Variants in NRG3 observed in about 807,000 individuals in gnomAD.
The protein encoded by NRG3 is pro-neuregulin-3, membrane-bound isoform.
A neutral mutation model predicts 66.9 loss-of-function variants in NRG3; 31 were observed. The ratio of observed to expected loss-of-function variants is 0.46; its 90% confidence interval spans 0.35 to 0.63. The LOEUF is 0.63. Among genes scored for constraint, NRG3 ranks in the 20% least tolerant of loss-of-function variants. The pLI is 0.00. For missense variants in NRG3, 910 were observed against 878.9 expected, an observed-to-expected ratio of 1.04 and a Z score of -0.45; for synonymous variants, 393 against 359.4, an observed-to-expected ratio of 1.09 and a Z score of -1.06.
At chr10:82,096,388 A>T (rs2066344779) in intron 1 of NRG3, among the ~76,000 whole-genome samples, 1 of 152,038 alleles carries the variant, frequency 6.6e-6, no homozygotes, top group Admixed American at 6.6e-5. Context: ...AGGCAGGAGG[A>T]TCGCTTGAAC....
chr10:82,944,333 A>G (rs1432439282), intron 4 of NRG3, among the ~76,000 whole-genome samples: 1 of 152,194 alleles, frequency 6.6e-6, no homozygotes, highest in Non-Finnish European at 1.5e-5. Flanking sequence ...TTTAGTGGGC[A>G]TTATTCTCCA....
intron 1 of NRG3, among the ~76,000 whole-genome samples, chr10:82,352,639 G>A (rs2083503627): frequency 6.6e-6 from 1 of 152,188 alleles, no homozygotes; most frequent in African/African-American, 2.4e-5. Flanking sequence ...GATGAAATCT[G>A]TGGACAACTG....
chr10:82,050,346 T>C (rs1431238657), intron 1 of NRG3, among the ~76,000 whole-genome samples: 1 of 151,624 alleles, frequency 6.6e-6, no homozygotes, highest in Non-Finnish European at 1.5e-5. Context: ...CCAAGTAATA[T>C]TTTATTATAA....
intron 2 of NRG3, among the ~76,000 whole-genome samples, chr10:82,369,648 C>A (rs1466042943): frequency 7.2e-6 from 1 of 138,644 alleles, no homozygotes; most frequent in South Asian, 2.1e-4. Flanking sequence ...ATAACTTTCT[C>A]TGTAAAATAA....
At chr10:82,934,323 TAGACACAGTAG>T (rs11274881) in intron 4 of NRG3, among the ~76,000 whole-genome samples, 14,032 of 152,270 alleles carry the variant, frequency 0.092, 873 homozygotes, top group African/African-American at 0.16. Context: ...GTTGTCTACA[TAGACACAGTAG>T]AGACTTGAGA....
chr10:82,756,859 T>A (rs2135009744), intron 3 of NRG3, among the ~76,000 whole-genome samples: 1 of 152,078 alleles, frequency 6.6e-6, no homozygotes, highest in Non-Finnish European at 1.5e-5. Context: ...GCTGCATATT[T>A]CATTGACTCT....
At chr10:82,235,489 A>G (rs1215703834) in intron 1 of NRG3, among the ~76,000 whole-genome samples, 2 of 151,912 alleles carry the variant, frequency 1.3e-5, no homozygotes, top group Non-Finnish European at 2.9e-5. Context: ...TTTAGTTCAG[A>G]CTCTATTATG....
intron 7 of NRG3, among the ~76,000 whole-genome samples, chr10:82,977,211 G>A (rs1323257415): frequency 1.3e-5 from 2 of 152,142 alleles, no homozygotes; most frequent in African/African-American, 4.8e-5. Flanking sequence ...AAAGTAGGAA[G>A]GCAAGGAAGC....
chr10:82,401,474 T>C (rs2087102675), intron 2 of NRG3, among the ~76,000 whole-genome samples: 1 of 152,098 alleles, frequency 6.6e-6, no homozygotes, highest in Admixed American at 6.6e-5. Context: ...TTCTATACAG[T>C]ATGAGGCAGG....
At chr10:82,574,203 G>A (rs1044572291) in intron 2 of NRG3, among the ~76,000 whole-genome samples, 28 of 151,750 alleles carry the variant, frequency 1.8e-4, no homozygotes, top group East Asian at 1.2e-3. Flanking sequence ...CTATTCAGCC[G>A]TTTAAAAAAA....
At chr10:82,850,766 A>C (rs2063524179) in intron 3 of NRG3, among the ~76,000 whole-genome samples, 2 of 152,020 alleles carry the variant, frequency 1.3e-5, no homozygotes, top group Admixed American at 6.6e-5. Flanking sequence ...AGTAAAATGT[A>C]AAGATAACAT....
At chr10:82,323,763 C>G (rs1453362673) in intron 1 of NRG3, among the ~76,000 whole-genome samples, 1 of 151,930 alleles carries the variant, frequency 6.6e-6, no homozygotes, top group Non-Finnish European at 1.5e-5. Flanking sequence ...AGATTTTCAA[C>G]TACAGTTTAC....
At chr10:82,788,357 G>A (rs1165964917) in intron 3 of NRG3, among the ~76,000 whole-genome samples, 1 of 152,134 alleles carries the variant, frequency 6.6e-6, no homozygotes, top group African/African-American at 2.4e-5. Flanking sequence ...ATCACCTGAG[G>A]TCAGGAGTTC....
intron 1 of NRG3, among the ~76,000 whole-genome samples, chr10:81,939,454 T>C (rs1009676976): frequency 3.9e-5 from 6 of 152,066 alleles, no homozygotes; most frequent in Non-Finnish European, 4.4e-5. Context: ...TCTTACTAGT[T>C]ATAGAGCTGT....
At chr10:82,435,169 T>G (rs536874838) in intron 2 of NRG3, among the ~76,000 whole-genome samples, 1 of 152,330 alleles carries the variant, frequency 6.6e-6, no homozygotes, top group East Asian at 1.9e-4. Context: ...TGGTTTAATC[T>G]TGGTAGGGTG....
intron 1 of NRG3, chr10:82,232,506 G>A (rs182839989): frequency 4.3e-6 from 2 of 469,834 alleles, no homozygotes; most frequent in East Asian, 3.9e-5. Flanking sequence ...CTCCTAACAG[G>A]TGCTCCTCAA....
chr10:82,908,330 C>T (rs1347669932), intron 4 of NRG3, among the ~76,000 whole-genome samples: 2 of 152,132 alleles, frequency 1.3e-5, no homozygotes, highest in Non-Finnish European at 2.9e-5. Flanking sequence ...GTCTTTATGC[C>T]TGGAATTCAT....
chr10:82,416,093 T>C (rs2088546555), intron 2 of NRG3, among the ~76,000 whole-genome samples: 1 of 152,220 alleles, frequency 6.6e-6, no homozygotes, highest in African/African-American at 2.4e-5. Flanking sequence ...ATTCAAAGTA[T>C]ACCACATCAG....
rs988712047 is a variant in NRG3 at position 82,148,485 on chromosome 10, C to T, written c.824-210254C>T. Among the ~76,000 whole-genome samples the T allele has an allele frequency of 5.3e-5, 8 of 152,046 alleles. No individual in the cohort carries two copies. The East Asian group carries it at 1.5e-3, about 29-fold the overall frequency. ...GGTTTGGACCAAATGGCTTTTTTGC[C>T]GTAAGCTTAAATATCTTGTCTTATT... On this transcript the variant is annotated intron_variant, in intron 1 of 8. Transcript: ENST00000372141.
Sources: gnomAD v4.1 joint callset for allele counts (sites outside exome capture counted in the v4.1 genomes callset) on GRCh38, gnomAD v4.1.1 for gene constraint, MANE v1.5 for transcripts, NCBI Gene and HGNC (gene_info 2026-07-23, HGNC 2026-07-21) for gene names.